Variants in ATP6V1B1 observed in about 807,000 individuals in gnomAD.
ATP6V1B1 encodes the protein V-type proton ATPase subunit B, kidney isoform.
In ATP6V1B1, 41 loss-of-function variants were observed where a neutral mutation model predicts 62.1. The ratio of observed to expected loss-of-function variants is 0.66; its 90% CI spans 0.51 to 0.86. The LOEUF (loss-of-function observed/expected upper bound fraction) is 0.86, where lower values mean the gene tolerates loss of function less well. Ranked by LOEUF, ATP6V1B1 falls within the 40% of genes least tolerant of loss-of-function variation. The pLI is 0.00. For synonymous variants in ATP6V1B1, 253 were observed against 273.4 expected (o/e 0.93, Z 0.74); for missense variants, 651 against 697.5 (o/e 0.93, Z 0.75).
Position 70,963,954 on chromosome 2 carries a change from T to C in ATP6V1B1, c.1143+300T>C, listed in dbSNP as rs532205939. The C allele has an allele frequency of 1.8e-5, 9 of 506,738 alleles. No homozygotes were observed. Among genetic ancestry groups the C allele is most frequent in the Non-Finnish European group, 2.9e-5 (8 of 277,974 alleles). 31.4% of individuals were successfully genotyped at this position (506,738 alleles called of 1,614,324 possible). On this transcript the variant is annotated intron_variant, in intron 11 of 13. Transcript: ENST00000234396. This position sits in a 1 kb window ranked among gnomAD's most constrained non-coding sequence, Gnocchi z 4.3. The stretch of plus-strand genomic sequence containing the variant: ...ACGCATTGTGGAGGATAAAAATAAG[T>C]TGGCATATAGAAAGCATCTGGCAGA...
chr2:70,942,432 T>A (rs1680027187), intron 1 of ATP6V1B1: 1 of 398,522 alleles, frequency 2.5e-6, no homozygotes, highest in Non-Finnish European at 4.4e-6. Flanking sequence ...CTAGTCCAAG[T>A]CCTGGTGAAA....
intron 2 of ATP6V1B1, among the ~76,000 whole-genome samples, chr2:70,955,607 C>T (rs938151244): frequency 2.0e-5 from 3 of 152,106 alleles, no homozygotes; most frequent in Non-Finnish European, 4.4e-5. Context: ...TGACTTTTTT[C>T]ACTTAGCATA....
At position 70,961,664 on chromosome 2, in the gene ATP6V1B1, C is replaced by T. The variant is rs1553420138; in HGVS notation, c.756C>T (p.Cys252=). 6.2e-7 allele frequency: 1 copy of T among 1,614,208 alleles called. No individual in the cohort carries two copies. The highest frequency in any genetic ancestry group is 8.5e-7 in the Non-Finnish European group (1 of 1,180,024). Residue 252 remains cysteine, a synonymous_variant, in exon 8 of 14, where the codon TGC becomes TGT. Transcript: ENST00000234396. ...AGAATGGAACCATGGGGAACGTCTG[C>T]CTCTTCCTGAACTTGGCCAATGACC... The part of the protein sequence containing the change: ...FEQNGTMGNV[C]LFLNLANDPT...
chr2:70,937,233 C>T (rs182490984), intron 1 of ATP6V1B1, among the ~76,000 whole-genome samples: 1 of 152,248 alleles, frequency 6.6e-6, no homozygotes, highest in Non-Finnish European at 1.5e-5. Context: ...GCAGCCACCC[C>T]ACCTCCCTCT....
Position 70,965,027 on chromosome 2 carries a change from A to T in ATP6V1B1, c.1448A>T (p.Lys483Met), listed in dbSNP as rs147036242. 95 of 1,613,610 alleles carry T rather than the reference A, an allele frequency of 5.9e-5. No individual in the cohort carries two copies. The highest frequency in any genetic ancestry group is 8.0e-5 in the African/African-American group (6 of 74,932). ...LGWKLLRIFP[K>M]EMLKRIPQAV... The stretch of plus-strand genomic sequence containing the variant: ...TGGAAGCTGCTGCGCATCTTCCCCA[A>T]GGAGATGCTGAAGCGCATTCCGCAG... Residue 483 changes from lysine to methionine, a missense_variant, in exon 14 of 14, where the codon AAG (lysine) becomes ATG (methionine). By Grantham distance (95) the Lys-to-Met change is moderately conservative (BLOSUM62 -1). Transcript: ENST00000234396.
At chr2:70,954,540 T>A (rs554047817) in intron 2 of ATP6V1B1, among the ~76,000 whole-genome samples, 5 of 152,232 alleles carry the variant, frequency 3.3e-5, no homozygotes, top group Non-Finnish European at 7.3e-5. Context: ...TGACAAGGAG[T>A]AATTCAGAAG....
chr2:70,939,883 C>T (rs1267727306), intron 1 of ATP6V1B1: 2 of 152,328 alleles, frequency 1.3e-5, no homozygotes, highest in African/African-American at 2.4e-5. Flanking sequence ...AATGATGGGT[C>T]CAGGCCATGA....
chr2:70,963,301 T>C lies in ATP6V1B1; in HGVS notation c.1049T>C (p.Met350Thr). The change falls in exon 10 of 14, where the codon ATG (methionine) becomes ACG (threonine). Residue 350 changes from methionine to threonine, a missense_variant. Coordinates refer to ENST00000234396, the MANE Select transcript of ATP6V1B1 (RefSeq NM_001692.4). The surrounding 1 kb of genome is among the most constrained non-coding windows in gnomAD (Gnocchi z 4.3). ...GSITQIPILT[M>T]PNDDITHPIP... ...ATCACACAGATCCCCATCCTCACCA[T>C]GCCCAACGACGGTAGCCTCCTCACA... 2 of 1,613,254 alleles carry C rather than the reference T, an allele frequency of 1.2e-6. No individual in the cohort carries two copies. The highest frequency in any genetic ancestry group is 1.7e-6 in the Non-Finnish European group (2 of 1,179,998).
At chr2:70,956,038 G>C (rs1162236572) in intron 2 of ATP6V1B1, 1 of 204,888 alleles carries the variant, frequency 4.9e-6, no homozygotes, top group Non-Finnish European at 1.2e-5. Flanking sequence ...CACATGTGAA[G>C]GAATCTCTCT....
chr2:70,951,484 A>T (rs1553418297), intron 2 of ATP6V1B1, among the ~76,000 whole-genome samples: 1 of 151,788 alleles, frequency 6.6e-6, no homozygotes, highest in Non-Finnish European at 1.5e-5. Flanking sequence ...AGGGTCAGGT[A>T]TTGCATTTGT....
chr2:70,962,152 C>T (rs1413037646), intron 8 of ATP6V1B1, among the ~76,000 whole-genome samples: 1 of 152,060 alleles, frequency 6.6e-6, no homozygotes, highest in East Asian at 1.9e-4. Flanking sequence ...GGTGACATCC[C>T]CAAGGGGAAG....
Position 70,963,001 on chromosome 2 carries a change from A to G in ATP6V1B1, c.909+101A>G. ...AAATAGAGGGGAGCTGGTCCACCCA[A>G]GCCTGCCCCACTCCCATGAGTTCCA... On this transcript the variant is annotated intron_variant, in intron 9 of 13. Transcript: ENST00000234396. This position sits in a 1 kb window ranked among gnomAD's most constrained non-coding sequence, Gnocchi z 4.3. 1 of 1,601,972 alleles carries G rather than the reference A, an allele frequency of 6.2e-7. No individual in the cohort carries two copies. Among genetic ancestry groups the G allele is most frequent in the South Asian group, 1.1e-5 (1 of 90,046 alleles).
Position 70,960,986 on chromosome 2 carries a change from T to G in ATP6V1B1, c.651T>G (p.His217Gln), listed in dbSNP as rs145196117. The change falls in exon 7 of 14, where the codon CAT becomes CAG. Residue 217 changes from histidine (H) to glutamine (Q), a missense_variant. Physicochemically the swap from His to Gln is conservative, Grantham distance 24. Coordinates refer to ENST00000234396, the MANE Select transcript of ATP6V1B1 (RefSeq NM_001692.4). ...AGTCCAAGGCTGTGCTGGATTACCATGACGACAACTTCGCCATCGTCTTTG... is the reference window on the plus strand; with the variant it reads ...AGTCCAAGGCTGTGCTGGATTACCAGGACGACAACTTCGCCATCGTCTTTG... ...VKKSKAVLDY[H>Q]DDNFAIVFAA... 3.9e-4 allele frequency: 633 copies of G among 1,603,788 alleles called. No individual in the cohort carries two copies. The highest frequency in any genetic ancestry group is 4.9e-4 in the Non-Finnish European group (580 of 1,175,278).
In ATP6V1B1 at chr2:70,963,525, G is replaced by C; in HGVS notation, c.1061-47G>C. ...GACCCCAGGTGGCCCTGAGTGGTTGGAGACCTGGGCCCCCACCCACACTGA... is the reference window on the plus strand; with the variant it reads ...GACCCCAGGTGGCCCTGAGTGGTTGCAGACCTGGGCCCCCACCCACACTGA... On this transcript the variant is annotated intron_variant, in intron 10 of 13. Coordinates refer to ENST00000234396, the MANE Select transcript of ATP6V1B1 (RefSeq NM_001692.4). This position sits in a 1 kb window ranked among gnomAD's most constrained non-coding sequence, Gnocchi z 4.3. 1 of 1,594,382 alleles carries C rather than the reference G, an allele frequency of 6.3e-7. No homozygotes were observed. Among genetic ancestry groups the C allele is most frequent in the Non-Finnish European group, 8.6e-7 (1 of 1,162,190 alleles).
rs1553420404 is a variant in ATP6V1B1 at position 70,963,138 on chromosome 2, C to A, written c.910-24C>A. 1 of 1,612,648 alleles carries A rather than the reference C, an allele frequency of 6.2e-7. No individual in the cohort carries two copies. The highest frequency in any genetic ancestry group is 1.7e-5 in the Admixed American group (1 of 59,994). On this transcript the variant is annotated intron_variant, in intron 9 of 13. Transcript: ENST00000234396. The surrounding 1 kb of genome is among the most constrained non-coding windows in gnomAD (Gnocchi z 4.3). ...CTTCAGCCTCTCATCCCCTTTCTTA[C>A]CCCAGTGCCCATGGATATTGCAGGT...
chr2:70,950,224 C>T (rs1212968661), intron 2 of ATP6V1B1, among the ~76,000 whole-genome samples: 2 of 152,224 alleles, frequency 1.3e-5, no homozygotes, highest in African/African-American at 4.8e-5. Context: ...TACTGCTTGA[C>T]TTCAGTAGCT....
intron 1 of ATP6V1B1, chr2:70,941,882 C>G: frequency 4.1e-6 from 4 of 986,730 alleles, no homozygotes; most frequent in Non-Finnish European, 4.8e-6. Context: ...GGACAGTGCA[C>G]CCAGGCTCTG....
intron 2 of ATP6V1B1, among the ~76,000 whole-genome samples, chr2:70,945,722 A>G (rs1322258750): frequency 3.7e-5 from 5 of 134,558 alleles, no homozygotes; most frequent in African/African-American, 5.6e-5. Flanking sequence ...ATATATATAT[A>G]TATATATATA....
intron 2 of ATP6V1B1, among the ~76,000 whole-genome samples, chr2:70,944,493 G>A (rs1337320096): frequency 2.0e-5 from 3 of 151,064 alleles, no homozygotes; most frequent in African/African-American, 4.9e-5. Flanking sequence ...CCCCACACCT[G>A]CCAGCGCCCA....
Sources: allele counts gnomAD v4.1 joint callset (sites outside exome capture counted in the v4.1 genomes callset), GRCh38; gene constraint gnomAD v4.1.1; non-coding constraint Gnocchi (gnomAD v3.1); transcripts MANE v1.5; gene names NCBI Gene and HGNC (gene_info 2026-07-23, HGNC 2026-07-21).